The following SLC2A4RG variants were observed in gnomAD, a reference collection of about 807,000 sequenced individuals.
The protein encoded by SLC2A4RG is GLUT4 enhancer factor.
Under a neutral mutation model 35.5 loss-of-function variants are expected in SLC2A4RG, and 23 were observed. That is an observed-to-expected ratio of 0.65 (90% confidence interval 0.47 to 0.92). The LOEUF (loss-of-function observed/expected upper bound fraction) is 0.92, where lower values mean the gene tolerates loss of function less well. SLC2A4RG is among the 40% of genes least tolerant of loss of function. The pLI is 0.00. For synonymous variants in SLC2A4RG, 306 were observed against 243.7 expected, an observed-to-expected ratio of 1.26 and a Z score of -2.38; for missense variants, 539 against 525.0, an observed-to-expected ratio of 1.03 and a Z score of -0.26.
chr20:63,741,838 GT>G, intron 3 of SLC2A4RG, 30 bp from the exon 4 acceptor site: 1 of 1,549,416 alleles, frequency 6.5e-7, no homozygotes, highest in Non-Finnish European at 8.7e-7. Flanking sequence ...CCCACCCGAA[GT>G]TCTAAGGCGG....
At position 63,741,417 on chromosome 20, in the gene SLC2A4RG, C is replaced by T; in HGVS notation, c.329C>T (p.Ala110Val). The T allele has an allele frequency of 6.2e-7, 1 of 1,613,292 alleles. No homozygotes were observed. Among genetic ancestry groups the T allele is most frequent in the Non-Finnish European group, 8.5e-7 (1 of 1,179,936 alleles). ...CTGGACGAGGTCATGGCTGCCGCTG[C>T]CCTTACAAGCCTGTCCACCAGCCCT... ...ARLDEVMAAAALTSLSTSPLL... is the reference protein window; with the variant it reads ...ARLDEVMAAAVLTSLSTSPLL... The change falls in exon 3 of 8, where the codon GCC becomes GTC. Residue 110 changes from alanine (A) to valine (V), a missense_variant. Ala to Val is a moderately conservative substitution (Grantham distance 64). Transcript: ENST00000266077.
chr20:63,742,714 G>A lies in SLC2A4RG; in HGVS notation c.976G>A (p.Ala326Thr), dbSNP rs765489516. 1.0e-5 allele frequency: 16 copies of A among 1,593,326 alleles called. No homozygotes were observed. The highest frequency in any genetic ancestry group is 8.1e-5 in the African/African-American group (6 of 74,368). Reference protein sequence around the residue: ...DRVYQGCLTPARLEPQPTEVG... With the variant: ...DRVYQGCLTPTRLEPQPTEVG... ...CTCCCTGTAGGGCTGCCTGACGCCC[G>A]CCCGCCTGGAGCCGCAGCCCACGGA... Residue 326 changes from alanine to threonine, a missense_variant, in exon 7 of 8, where the codon GCC (alanine) becomes ACC (threonine). Coordinates refer to ENST00000266077, the MANE Select transcript of SLC2A4RG (RefSeq NM_020062.4).
At position 63,742,317 on chromosome 20, in the gene SLC2A4RG, C is replaced by A; in HGVS notation, c.681-19C>A. ...AGGCCACCCCTTCAGCTCCCACTGGCTGGCTGTGTCTCCCGCAGGAGGCAG... is the reference window on the plus strand; with the variant it reads ...AGGCCACCCCTTCAGCTCCCACTGGATGGCTGTGTCTCCCGCAGGAGGCAG... On this transcript the variant is annotated intron_variant, in intron 5 of 7. Coordinates refer to ENST00000266077, the MANE Select transcript of SLC2A4RG (RefSeq NM_020062.4). The A allele has an allele frequency of 6.3e-7, 1 of 1,590,786 alleles. No individual in the cohort carries two copies. Among genetic ancestry groups the A allele is most frequent in the Non-Finnish European group, 8.5e-7 (1 of 1,176,088 alleles).
chr20:63,739,904 C>G lies in SLC2A4RG; in HGVS notation c.-9C>G. The G allele has an allele frequency of 1.0e-6, 1 of 978,814 alleles. No individual in the cohort carries two copies. Among genetic ancestry groups the G allele is most frequent in the South Asian group, 4.7e-5 (1 of 21,342 alleles). 60.6% of individuals were successfully genotyped at this position (978,814 alleles called of 1,614,324 possible). On this transcript the variant is annotated 5_prime_UTR_variant, in exon 1 of 8. Coordinates refer to ENST00000266077, the MANE Select transcript of SLC2A4RG (RefSeq NM_020062.4). ...CGCCGCTGCAGCCTCGGCGCCCGGC[C>G]GGCCGGCCATGGAGCGCCCCCCGCC...
At position 63,739,979 on chromosome 20, in the gene SLC2A4RG, C is replaced by T; in HGVS notation, c.67C>T (p.Leu23=). The change falls in exon 1 of 8, where the codon CTG becomes TTG. Residue 23 remains leucine (L), a synonymous_variant. Coordinates refer to ENST00000266077, the MANE Select transcript of SLC2A4RG (RefSeq NM_020062.4). ...PSALRAEAPW[L]RAEGPGPRAA... ...TGCGCTGCGGGCCGAGGCGCCGTGG[C>T]TGCGCGCGGAGGGTCCGGGGCCGCG... The T allele has an allele frequency of 3.1e-6, 3 of 980,590 alleles. No homozygotes were observed. The highest frequency in any genetic ancestry group is 3.6e-6 in the Non-Finnish European group (3 of 828,252). 60.7% of individuals were successfully genotyped at this position (980,590 alleles called of 1,614,324 possible). A position where few individuals can be genotyped will look rare whatever the true frequency, so the allele number is the denominator to read the frequency against.
chr20:63,742,138 C>G lies in SLC2A4RG; in HGVS notation c.588C>G (p.Ala196=). The G allele has an allele frequency of 6.2e-7, 1 of 1,604,332 alleles. No individual in the cohort carries two copies. Among genetic ancestry groups the G allele is most frequent in the Non-Finnish European group, 8.5e-7 (1 of 1,175,946 alleles). ...EPTLRKRKSP[A]QVMFQCLWKS... ...GGCCCCTGTTGCTGCAGAGCCCGGC[C>G]CAGGTCATGTTCCAGTGTCTGTGGA... Residue 196 remains alanine (A), a synonymous_variant, in exon 5 of 8, where the codon GCC becomes GCG. Transcript: ENST00000266077.
Position 63,743,077 on chromosome 20 carries a change from C to T in SLC2A4RG, c.*87C>T. On this transcript the variant is annotated 3_prime_UTR_variant, in exon 8 of 8. Coordinates refer to ENST00000266077, the MANE Select transcript of SLC2A4RG (RefSeq NM_020062.4). ...GGCTGAAACAGCCCGAGGACAGCCC[C>T]AGGGGCTGGCTTTCACCAGCTGCAG... The T allele has an allele frequency of 1.4e-6, 1 of 705,684 alleles. No homozygotes were observed. Among genetic ancestry groups the T allele is most frequent in the South Asian group, 2.8e-5 (1 of 35,478 alleles). The allele number at this position is 705,684 out of a possible 1,614,324, so 43.7% of individuals were successfully genotyped here. A position where few individuals can be genotyped will look rare whatever the true frequency, so the allele number is the denominator to read the frequency against.
In SLC2A4RG at chr20:63,742,487, C is replaced by A; in HGVS notation, c.832C>A (p.Leu278Met). The change falls in exon 6 of 8, where the codon CTG (leucine) becomes ATG (methionine). Residue 278 changes from leucine to methionine, a missense_variant. Coordinates refer to ENST00000266077, the MANE Select transcript of SLC2A4RG (RefSeq NM_020062.4). ...SMPPAFPRLE[L>M]PELLEPPALP... ...GCCGCCTGCCTTCCCCCGCCTGGAG[C>A]TGCCAGAGCTGCTGGAGCCCCCAGC... 1 of 1,576,886 alleles carries A rather than the reference C, an allele frequency of 6.3e-7. No individual in the cohort carries two copies. Among genetic ancestry groups the A allele is most frequent in the Non-Finnish European group, 8.6e-7 (1 of 1,161,982 alleles).
chr20:63,742,769 C>T lies in SLC2A4RG; in HGVS notation c.1031C>T (p.Ser344Phe). ...EVGACPPALS[S>F]RIGVTLRKPR... ...GGAGCCTGCCCACCCGCCTTGTCCT[C>T]CAGGATCGGAGTCACCCTGAGGTGC... is the stretch of plus-strand genomic sequence containing the variant. The change falls in exon 7 of 8, where the codon TCC becomes TTC. Residue 344 changes from serine (S) to phenylalanine (F), a missense_variant. By Grantham distance (155) the Ser-to-Phe change is radical. Transcript: ENST00000266077. The T allele has an allele frequency of 1.3e-6, 2 of 1,592,306 alleles. No individual in the cohort carries two copies. Among genetic ancestry groups the T allele is most frequent in the Non-Finnish European group, 1.7e-6 (2 of 1,170,708 alleles).
In SLC2A4RG at chr20:63,742,511, G is replaced by T. The variant is rs377712823; in HGVS notation, c.856G>T (p.Ala286Ser). 66 of 1,565,874 alleles carry T rather than the reference G, an allele frequency of 4.2e-5. No homozygotes were observed. The highest frequency in any genetic ancestry group is 5.4e-5 in the Non-Finnish European group (62 of 1,156,240). ...GCTGCCAGAGCTGCTGGAGCCCCCA[G>T]CCCTGCCTAGTCCCCTGCGGCCGCC... ...LELPELLEPP[A>S]LPSPLRPPAP... Residue 286 changes from alanine (A) to serine (S), a missense_variant, in exon 6 of 8, where the codon GCC (alanine) becomes TCC (serine). Coordinates refer to ENST00000266077, the MANE Select transcript of SLC2A4RG (RefSeq NM_020062.4).
In SLC2A4RG at chr20:63,743,034, C is replaced by A; in HGVS notation, c.*44C>A. On this transcript the variant is annotated 3_prime_UTR_variant, in exon 8 of 8. Coordinates refer to ENST00000266077, the MANE Select transcript of SLC2A4RG (RefSeq NM_020062.4). Reference sequence around the variant, plus strand: ...CATAAGCTACCACCTTCTCCCTCCCCACCCCCTCCAGGCCCGGGGCTGAAA... The same window carrying A: ...CATAAGCTACCACCTTCTCCCTCCCAACCCCCTCCAGGCCCGGGGCTGAAA... 6.6e-7 allele frequency: 1 copy of A among 1,503,948 alleles called. No individual in the cohort carries two copies. Among genetic ancestry groups the A allele is most frequent in the Non-Finnish European group, 9.0e-7 (1 of 1,110,862 alleles). 93.2% of individuals were successfully genotyped at this position (1,503,948 alleles called of 1,614,324 possible).
intron 3 of SLC2A4RG, 139 bp downstream of exon 3, chr20:63,741,618 C>T (rs776838158): frequency 4.6e-6 from 5 of 1,089,648 alleles, no homozygotes; most frequent in South Asian, 3.2e-5. Context: ...CCTCAGTGCC[C>T]CCTACTGAGG....
In SLC2A4RG at chr20:63,742,411, G is replaced by C. The variant is rs1038412322; in HGVS notation, c.756G>C (p.Thr252=). 1.2e-6 allele frequency: 2 copies of C among 1,610,426 alleles called. No individual in the cohort carries two copies. Among genetic ancestry groups the C allele is most frequent in the African/African-American group, 2.7e-5 (2 of 74,828 alleles). ...CAGAGCTGGATGTTGGTGTGGACAC[G>C]CTGACCGACGGGCTGTCCAGCCTGA... The part of the protein sequence containing the change: ...YYTELDVGVD[T]LTDGLSSLTP... The change falls in exon 6 of 8, where the codon ACG becomes ACC. Residue 252 remains threonine (T), a synonymous_variant. Transcript: ENST00000266077.
intron 2 of SLC2A4RG, among the ~76,000 whole-genome samples, 181 bp downstream of exon 2, chr20:63,740,712 C>T (rs2092037297): frequency 6.6e-6 from 1 of 152,242 alleles, no homozygotes; most frequent in African/African-American, 2.4e-5. Context: ...AGTCCCTACA[C>T]CTCCCTCCAC....
chr20:63,741,799 G>A lies in SLC2A4RG; in HGVS notation c.392-70G>A. The A allele has an allele frequency of 1.2e-5, 17 of 1,477,068 alleles. 1 individual carries two copies. The highest frequency in any genetic ancestry group is 4.1e-5 in the South Asian group (3 of 73,748). 91.5% of individuals were successfully genotyped at this position (1,477,068 alleles called of 1,614,324 possible). On this transcript the variant is annotated intron_variant, in intron 3 of 7. Transcript: ENST00000266077. ...CAGTCTCACCGGACTTGGTGAACAG[G>A]GGCAGCTCAGGATTAGGGACTCCCT... is the stretch of plus-strand genomic sequence containing the variant.
Position 63,742,882 on chromosome 20 carries a change from G to A in SLC2A4RG, c.1056G>A (p.Lys352=), listed in dbSNP as rs756681359. ...TGTCCTGTGACCCCCCGCACAGGAAGCCCCGCGGCGACGCGAAGAAGTGCC... is the reference window on the plus strand; with the variant it reads ...TGTCCTGTGACCCCCCGCACAGGAAACCCCGCGGCGACGCGAAGAAGTGCC... The part of the protein sequence containing the change: ...LSSRIGVTLR[K]PRGDAKKCRK... Residue 352 remains lysine, a synonymous_variant, in exon 8 of 8, where the codon AAG becomes AAA. Transcript: ENST00000266077. 40 of 1,610,936 alleles carry A rather than the reference G, an allele frequency of 2.5e-5. No homozygotes were observed. The highest frequency in any genetic ancestry group is 2.5e-5 in the Non-Finnish European group (29 of 1,179,058).
chr20:63,740,059 G>T (rs1456260203), intron 1 of SLC2A4RG, 21 bp downstream of exon 1: 9 of 963,186 alleles, frequency 9.3e-6, no homozygotes, highest in Non-Finnish European at 9.9e-6. Context: ...CCGGTGGGCG[G>T]GGGCGCCGAC....
intron 1 of SLC2A4RG, 122 bp downstream of exon 1, chr20:63,740,160 C>A: frequency 4.4e-6 from 2 of 453,926 alleles, no homozygotes; most frequent in Non-Finnish European, 5.8e-6. Flanking sequence ...CGCGTCGGTC[C>A]GCGCGTGTCC....
rs1390005102 is a variant in SLC2A4RG at position 63,743,791 on chromosome 20, C to A, written c.*801C>A. 1 of 152,514 alleles carries A rather than the reference C, an allele frequency of 6.6e-6. No homozygotes were observed. The highest frequency in any genetic ancestry group is 1.5e-5 in the Non-Finnish European group (1 of 68,062). 9.4% of individuals were successfully genotyped at this position (152,514 alleles called of 1,614,324 possible). A position where few individuals can be genotyped will look rare whatever the true frequency, so the allele number is the denominator to read the frequency against. On this transcript the variant is annotated 3_prime_UTR_variant, in exon 8 of 8. Transcript: ENST00000266077. Reference sequence around the variant, plus strand: ...GAAACTTGGAGACTCACCGCAGAGGCCACGTGAACCCACGGCCACAGAGAG... The same window carrying A: ...GAAACTTGGAGACTCACCGCAGAGGACACGTGAACCCACGGCCACAGAGAG...
Sources: allele counts gnomAD v4.1 joint callset (sites outside exome capture counted in the v4.1 genomes callset), GRCh38; gene constraint gnomAD v4.1.1; transcripts MANE v1.5; gene names NCBI Gene and HGNC (gene_info 2026-07-23, HGNC 2026-07-21).